Variants in ANKS1B observed in about 807,000 individuals in gnomAD.
ANKS1B encodes the protein ankyrin repeat and sterile alpha motif domain-containing protein 1B.
Under a neutral mutation model 148.3 loss-of-function variants are expected in ANKS1B, and 36 were observed. The observed-to-expected ratio is 0.24, with a 90% CI of 0.19 to 0.32. ANKS1B has a LOEUF of 0.32. Among genes scored for constraint, ANKS1B ranks in the 10% least tolerant of loss-of-function variants. The pLI, the probability that ANKS1B is intolerant of heterozygous loss-of-function variation, is 1.00. For missense variants in ANKS1B, 1,157 were observed against 1,542.6 expected (o/e 0.75, Z 4.19); for synonymous variants, 542 against 560.8 (o/e 0.97, Z 0.47).
At chr12:99,049,968 G>A (rs1380299766) in intron 17 of ANKS1B, among the ~76,000 whole-genome samples, 2 of 152,040 alleles carry the variant, frequency 1.3e-5, no homozygotes, top group Non-Finnish European at 2.9e-5. Context: ...ACTTAACATA[G>A]AACAACAGTT....
chr12:98,770,969 A>G (rs1446471391), intron 25 of ANKS1B, among the ~76,000 whole-genome samples: 1 of 152,254 alleles, frequency 6.6e-6, no homozygotes, highest in Non-Finnish European at 1.5e-5. Flanking sequence ...TCTTCTGATT[A>G]TAAATTATTA....
rs573520589 is a variant in ANKS1B, at chr12:99,865,460, C to T, written c.135-40071G>A. Among the ~76,000 whole-genome samples, 34 of 152,208 alleles carry T rather than the reference C, an allele frequency of 2.2e-4. No individual in the cohort carries two copies. In the South Asian group the frequency reaches 3.3e-3, roughly 15 times the overall value. On this transcript the variant is annotated intron_variant, in intron 1 of 26. Coordinates refer to ENST00000683438, the MANE Select transcript of ANKS1B (RefSeq NM_001352186.2). ...AGTGTTTGAAGAAGTGCAACACTTG[C>T]AGTTTCAATTCCAGAAGTAGTAGGT... is the stretch of plus-strand genomic sequence containing the variant.
chr12:99,195,201 A>G (rs1048601460), intron 14 of ANKS1B, among the ~76,000 whole-genome samples: 5 of 152,142 alleles, frequency 3.3e-5, no homozygotes, highest in African/African-American at 4.8e-5. Context: ...CTAGCTGAGA[A>G]TTTTAAATTT....
chr12:99,051,932 G>A (rs1256868720), intron 17 of ANKS1B, among the ~76,000 whole-genome samples: 4 of 151,720 alleles, frequency 2.6e-5, no homozygotes, highest in Non-Finnish European at 4.4e-5. Context: ...GACTTTTGGC[G>A]AGAAAGTGAC....
Position 98,970,183 on chromosome 12 carries a change from C to T in ANKS1B, c.2778+82974G>A, listed in dbSNP as rs752162101. ...ATTTTTCATTTCCTTATACAAGTTC[C>T]ATCATTTTTTCTTTATGATAGTTTT... On this transcript the variant is annotated intron_variant, in intron 17 of 26. Transcript: ENST00000683438. Among the ~76,000 whole-genome samples the T allele has an allele frequency of 7.2e-5, 11 of 152,166 alleles. No homozygotes were observed. The South Asian group carries it at 1.0e-3, about 14-fold the overall frequency.
chr12:99,804,461 C>T (rs1386380109), intron 4 of ANKS1B, among the ~76,000 whole-genome samples: 1 of 152,222 alleles, frequency 6.6e-6, no homozygotes. Context: ...AATATCTAAA[C>T]TACTAAATAA....
Position 99,399,687 on chromosome 12 carries a change from G to A in ANKS1B, c.1700C>T (p.Pro567Leu), listed in dbSNP as rs1157898211. ...TSFTASPPAS[P>L]PTSSVGTTEV... Reference sequence around the variant, plus strand: ...TGTGGTTCCCACAGAAGAGGTGGGTGGACTAGCAGGAGGACTGGCAGTAAA... The same window carrying A: ...TGTGGTTCCCACAGAAGAGGTGGGTAGACTAGCAGGAGGACTGGCAGTAAA... Residue 567 changes from proline to leucine, a missense_variant, in exon 12 of 27, where the codon CCA becomes CTA. Around this residue, in one of 6 missense-constraint regions of ANKS1B, gnomAD observed 661 missense variants for 642.1 expected, o/e 1.03. Coordinates refer to ENST00000683438, the MANE Select transcript of ANKS1B (RefSeq NM_001352186.2). The A allele has an allele frequency of 7.4e-6, 12 of 1,613,384 alleles. No homozygotes were observed. Among genetic ancestry groups the A allele is most frequent in the Middle Eastern group, 1.6e-4 (1 of 6,082 alleles).
chr12:99,803,283 C>CA (rs981473203), intron 4 of ANKS1B, among the ~76,000 whole-genome samples: 1 of 136,118 alleles, frequency 7.3e-6, no homozygotes, highest in African/African-American at 2.7e-5. Context: ...TCACCCCCCC[C>CA]CAAAAAAAAA....
At chr12:99,644,373 C>T (rs762839247) in intron 9 of ANKS1B, among the ~76,000 whole-genome samples, 3 of 152,310 alleles carry the variant, frequency 2.0e-5, no homozygotes, top group Admixed American at 6.5e-5. Flanking sequence ...CCATTTCCCC[C>T]GCTTTCTTCT....
At chr12:99,186,240 C>T (rs148964630) in intron 14 of ANKS1B, among the ~76,000 whole-genome samples, 9 of 152,306 alleles carry the variant, frequency 5.9e-5, no homozygotes, top group Non-Finnish European at 1.0e-4. Flanking sequence ...CAGCCCCAGT[C>T]AGGGCCTTAT....
chr12:99,825,860 T>C (rs1188047933), intron 1 of ANKS1B, among the ~76,000 whole-genome samples: 3 of 152,186 alleles, frequency 2.0e-5, no homozygotes, highest in Non-Finnish European at 4.4e-5. Context: ...TGCTCTTCAA[T>C]TGCAACCAGG....
chr12:99,193,078 G>T (rs1202579463), intron 14 of ANKS1B, among the ~76,000 whole-genome samples: 1 of 152,092 alleles, frequency 6.6e-6, no homozygotes. Context: ...TACTTCTTCA[G>T]ATTTGACTTT....
At chr12:99,887,846 C>T (rs1344419634) in intron 1 of ANKS1B, among the ~76,000 whole-genome samples, 1 of 152,204 alleles carries the variant, frequency 6.6e-6, no homozygotes, top group Non-Finnish European at 1.5e-5. Context: ...CCCATGCCTA[C>T]TATTCCCAGT....
intron 12 of ANKS1B, among the ~76,000 whole-genome samples, chr12:99,387,332 G>C (rs1188615148): frequency 1.3e-5 from 2 of 152,148 alleles, no homozygotes; most frequent in Non-Finnish European, 2.9e-5. Flanking sequence ...TATTAAAGAA[G>C]CCTGGCCGGG....
intron 1 of ANKS1B, among the ~76,000 whole-genome samples, chr12:99,961,336 T>C (rs2095410169): frequency 6.6e-6 from 1 of 152,202 alleles, no homozygotes; most frequent in South Asian, 2.1e-4. Flanking sequence ...GAAAGACTTC[T>C]GGTTTGAGTG....
At chr12:99,365,425 C>T (rs2092712679) in intron 12 of ANKS1B, among the ~76,000 whole-genome samples, 1 of 152,182 alleles carries the variant, frequency 6.6e-6, no homozygotes. Context: ...ACTAGCCAGG[C>T]TGCTCTCCTG....
chr12:99,359,831 TTC>T (rs2092336140), intron 12 of ANKS1B, among the ~76,000 whole-genome samples: 1 of 152,176 alleles, frequency 6.6e-6, no homozygotes, highest in Non-Finnish European at 1.5e-5. Flanking sequence ...GTTTAATTAT[TTC>T]TGTTTATTTT....
chr12:99,579,047 C>T (rs150243438), intron 9 of ANKS1B, among the ~76,000 whole-genome samples: 191 of 152,120 alleles, frequency 1.3e-3, no homozygotes, highest in African/African-American at 4.4e-3. Context: ...TAAAGCTGCA[C>T]ACCTAAAACC....
intron 15 of ANKS1B, among the ~76,000 whole-genome samples, chr12:99,146,734 C>A (rs1216711425): frequency 6.6e-6 from 1 of 152,134 alleles, no homozygotes; most frequent in Non-Finnish European, 1.5e-5. Context: ...TGCTTTCTTT[C>A]TTTTCTTCCT....
Sources: gnomAD v4.1 joint callset for allele counts (sites outside exome capture counted in the v4.1 genomes callset) on GRCh38, gnomAD v4.1.1 for gene constraint, gnomAD v4.1.1 regional missense constraint, MANE v1.5 for transcripts, NCBI Gene and HGNC (gene_info 2026-07-23, HGNC 2026-07-21) for gene names.